The following PCDHGB5 variants were observed in gnomAD, a reference collection of about 807,000 sequenced individuals.
PCDHGB5 encodes the protein protocadherin gamma subfamily B, 5.
In PCDHGB5, 48 loss-of-function variants were observed where a neutral mutation model predicts 62.9. That is an observed-to-expected ratio of 0.76 (90% CI 0.61 to 0.97). The LOEUF is 0.97. Among genes scored for constraint, PCDHGB5 ranks in the 50% least tolerant of loss-of-function variants. The pLI is 0.00. For synonymous variants in PCDHGB5, 474 were observed against 511.2 expected (o/e 0.93, Z 0.98); for missense variants, 1,118 against 1,198.6 (o/e 0.93, Z 0.99).
Position 141,398,421 on chromosome 5 carries a change from G to A in PCDHGB5, c.294G>A (p.Lys98=). 2 of 1,510,606 alleles carry A rather than the reference G, an allele frequency of 1.3e-6. No homozygotes were observed. Among genetic ancestry groups the A allele is most frequent in the Non-Finnish European group, 1.8e-6 (2 of 1,092,166 alleles). 93.6% of individuals were successfully genotyped at this position (1,510,606 alleles called of 1,614,324 possible). A position where few individuals can be genotyped will look rare whatever the true frequency, so the allele number is the denominator to read the frequency against. The part of the protein sequence containing the change: ...SRLDREEICG[K]KPACALEFEA... ...TAGACAGGGAGGAGATATGCGGGAA[G>A]AAGCCAGCTTGTGCTCTGGAATTTG... The change falls in exon 1 of 4, where the codon AAG becomes AAA. Residue 98 remains lysine (K), a synonymous_variant. Transcript: ENST00000617380.
chr5:141,406,258 G>C (rs895877034), intron 1 of PCDHGB5, among the ~76,000 whole-genome samples: 13 of 151,882 alleles, frequency 8.6e-5, no homozygotes, highest in South Asian at 2.1e-4. Flanking sequence ...GGTCTCAAAC[G>C]ATCTTCCTGC....
chr5:141,405,471 A>C, intron 1 of PCDHGB5: 6 of 1,084,370 alleles, frequency 5.5e-6, no homozygotes, highest in Non-Finnish European at 7.9e-6. Context: ...CCAGGCTGGA[A>C]TGCAGTGGTG....
chr5:141,478,428 C>T (rs2154576655), intron 1 of PCDHGB5: 1 of 1,613,746 alleles, frequency 6.2e-7, no homozygotes, highest in Non-Finnish European at 8.5e-7. Flanking sequence ...CGCAGCGACC[C>T]GCTGCTGAAG....
intron 1 of PCDHGB5, chr5:141,411,270 A>G (rs1299052773): frequency 6.6e-6 from 1 of 152,160 alleles, no homozygotes; most frequent in African/African-American, 2.4e-5. Context: ...ATATTTTTAA[A>G]GCCTAAAAAT....
At chr5:141,410,849 CTTTTTTTTTTTT>C (rs759346998) in intron 1 of PCDHGB5, 1 of 129,786 alleles carries the variant, frequency 7.7e-6, no homozygotes, top group East Asian at 2.3e-4. Flanking sequence ...TTGTCTTTGT[CTTTTTTTTTTTT>C]TTTTTTTTTT....
intron 3 of PCDHGB5, among the ~76,000 whole-genome samples, chr5:141,508,986 G>C (rs1298630784): frequency 2.0e-5 from 3 of 152,148 alleles, no homozygotes; most frequent in Non-Finnish European, 4.4e-5. Context: ...GTGGGGGCCA[G>C]CTGGGGTAGG....
At chr5:141,455,292 G>A (rs2098818902) in intron 1 of PCDHGB5, among the ~76,000 whole-genome samples, 1 of 152,068 alleles carries the variant, frequency 6.6e-6, no homozygotes, top group East Asian at 1.9e-4. Context: ...ACTTTACATA[G>A]TTTCATCTTG....
chr5:141,427,304 C>T, intron 1 of PCDHGB5: 1 of 456,910 alleles, frequency 2.2e-6, no homozygotes, highest in Non-Finnish European at 4.4e-6. Flanking sequence ...ATGAGAATGA[C>T]AATGCCCCAG....
intron 1 of PCDHGB5, chr5:141,468,381 G>A (rs1297428363): frequency 2.0e-5 from 3 of 149,754 alleles, no homozygotes; most frequent in South Asian, 2.1e-4. Flanking sequence ...AGCCATACAA[G>A]GCTACCCATT....
chr5:141,511,288 C>G lies in PCDHGB5; in HGVS notation c.*115C>G. ...CTAACCCCCAGAATACTGGTAGGGG[C>G]CAAGGCCATGCTCCCCTTGGGAAAC... On this transcript the variant is annotated 3_prime_UTR_variant, in exon 4 of 4. Transcript: ENST00000617380. 6.6e-7 allele frequency: 1 copy of G among 1,518,266 alleles called. No homozygotes were observed. The highest frequency in any genetic ancestry group is 8.9e-7 in the Non-Finnish European group (1 of 1,129,706). The allele number at this position is 1,518,266 out of a possible 1,614,324, so 94.0% of individuals were successfully genotyped here.
intron 2 of PCDHGB5, among the ~76,000 whole-genome samples, chr5:141,502,866 C>CTTTTT (rs549047197): frequency 1.6e-5 from 2 of 128,044 alleles, no homozygotes; most frequent in Non-Finnish European, 1.6e-5. Flanking sequence ...GACTCTCTGT[C>CTTTTT]TTTTTTTTTT....
At chr5:141,420,164 A>G (rs2096471602) in intron 1 of PCDHGB5, 1 of 1,614,040 alleles carries the variant, frequency 6.2e-7, no homozygotes, top group Non-Finnish European at 8.5e-7. Context: ...TAATTTTTTC[A>G]CATCTGTTGA....
At chr5:141,410,029 G>T (rs2095350230) in intron 1 of PCDHGB5, 15 of 1,613,274 alleles carry the variant, frequency 9.3e-6, no homozygotes, top group Non-Finnish European at 1.3e-5. Context: ...ACCACGTGCT[G>T]CAGGCCAGTG....
At chr5:141,500,315 G>C (rs944076867) in intron 2 of PCDHGB5, among the ~76,000 whole-genome samples, 41 of 151,522 alleles carry the variant, frequency 2.7e-4, no homozygotes, top group African/African-American at 9.5e-4. Flanking sequence ...TTCACGCCAT[G>C]CTCCTGCCTC....
intron 1 of PCDHGB5, among the ~76,000 whole-genome samples, chr5:141,446,153 AT>A (rs1158236808): frequency 1.3e-5 from 2 of 152,362 alleles, no homozygotes; most frequent in East Asian, 3.9e-4. Flanking sequence ...TAGGTGGAAT[AT>A]AAATTTCATG....
Position 141,489,819 on chromosome 5 carries a change from G to T in PCDHGB5, c.2398-4988G>T. On this transcript the variant is annotated intron_variant, in intron 1 of 3. Transcript: ENST00000617380. This position sits in a 1 kb window ranked among gnomAD's most constrained non-coding sequence, Gnocchi z 4.5. ...TAAAAGATGGGAAGCCATTCCCAGA[G>T]CTGGTGCTAGAGCAGCAGCTGGATC... 6.2e-7 allele frequency: 1 copy of T among 1,614,190 alleles called. No homozygotes were observed.
rs1255326344 is a variant in PCDHGB5, at chr5:141,431,636, A to G, written c.2397+31112A>G. 6.2e-7 allele frequency: 1 copy of G among 1,614,254 alleles called. No homozygotes were observed. ...GGACGACAAGGCGGCCCAAGTTTTC[A>G]AACTAGATTGTAATTCAGGGACAAT... On this transcript the variant is annotated intron_variant, in intron 1 of 3. Transcript: ENST00000617380. This position sits in a 1 kb window ranked among gnomAD's most constrained non-coding sequence, Gnocchi z 4.8.
chr5:141,457,635 T>G (rs1242403589), intron 1 of PCDHGB5, among the ~76,000 whole-genome samples: 2 of 152,270 alleles, frequency 1.3e-5, no homozygotes, highest in African/African-American at 4.8e-5. Flanking sequence ...ATACTTGGCC[T>G]GATTATTTGC....
rs551301850 is a variant in PCDHGB5 at position 141,398,803 on chromosome 5, A to C, written c.676A>C (p.Thr226Pro). The change falls in exon 1 of 4, where the codon ACT (threonine) becomes CCT (proline). Residue 226 changes from threonine (T) to proline (P), a missense_variant. Thr to Pro is a conservative substitution (Grantham distance 38, BLOSUM62 -1). This residue lies in a region of PCDHGB5 where 1,034 missense variants were observed against 1,029.1 expected (regional missense o/e 1.00). Transcript: ENST00000617380. ...TGGACATCCACCCCTAAGCGGCACC[A>C]CTGAGCTCCGGATCCAGGTAACCGA... ...DGGHPPLSGTTELRIQVTDAN... is the reference protein window; with the variant it reads ...DGGHPPLSGTPELRIQVTDAN... The C allele has an allele frequency of 1.2e-6, 2 of 1,613,960 alleles. No homozygotes were observed. The highest frequency in any genetic ancestry group is 2.7e-5 in the African/African-American group (2 of 75,060).
Sources: gnomAD v4.1 joint callset for allele counts (sites outside exome capture counted in the v4.1 genomes callset) on GRCh38, gnomAD v4.1.1 for gene constraint, gnomAD v4.1.1 regional missense constraint, Gnocchi (gnomAD v3.1) non-coding constraint, MANE v1.5 for transcripts, NCBI Gene and HGNC (gene_info 2026-07-23, HGNC 2026-07-21) for gene names.